PSMA2: variants seen among roughly 807,000 people sequenced by gnomAD.
PSMA2 encodes proteasome 20S subunit alpha 2, also known as proteasome subunit alpha type-2.
PSMA2 carries 2 observed loss-of-function variants against 35.9 expected under a neutral mutation model. The observed-to-expected ratio is 0.06, with a 90% confidence interval of 0.02 to 0.18. The LOEUF is 0.18. PSMA2 is among the 10% of genes least tolerant of loss of function. The probability of loss-of-function intolerance (pLI) is 1.00; values close to 1 mark genes in which losing one functional copy is unlikely to be tolerated. For synonymous variants in PSMA2, 97 were observed against 98.2 expected (o/e 0.99, Z 0.07); for missense variants, 126 against 278.8 (o/e 0.45, Z 3.90).
intron 1 of PSMA2, among the ~76,000 whole-genome samples, chr7:42,928,413 A>G (rs1786246655): frequency 1.3e-5 from 2 of 152,236 alleles, no homozygotes; most frequent in African/African-American, 4.8e-5. Context: ...AGACCTAGAT[A>G]TCACTCACAA....
chr7:42,922,079 T>C (rs773070739), intron 5 of PSMA2, 148 bp from the exon 6 acceptor site: 23 of 661,014 alleles, frequency 3.5e-5, no homozygotes, highest in Non-Finnish European at 5.7e-5. Context: ...ACAGAATAGG[T>C]TATTTTTTAA....
intron 3 of PSMA2, 33 bp from the exon 4 acceptor site, chr7:42,924,830 G>T (rs1270180699): frequency 6.3e-7 from 1 of 1,585,556 alleles, no homozygotes; most frequent in East Asian, 2.3e-5. Flanking sequence ...TAATTACACA[G>T]AACATGCTCT....
At chr7:42,922,941 G>C (rs1302559222) in intron 5 of PSMA2, among the ~76,000 whole-genome samples, 1 of 152,112 alleles carries the variant, frequency 6.6e-6, no homozygotes, top group Admixed American at 6.6e-5. Context: ...TAATGTTTTT[G>C]CTGGAAAACT....
intron 1 of PSMA2, among the ~76,000 whole-genome samples, chr7:42,928,438 T>C (rs1232174274): frequency 6.6e-6 from 1 of 152,232 alleles, no homozygotes; most frequent in Non-Finnish European, 1.5e-5. Flanking sequence ...GTATTCTCTA[T>C]ATAATATACA....
At position 42,917,357 on chromosome 7, in the gene PSMA2, A is replaced by T. The variant is rs2128673134; in HGVS notation, c.*217T>A. ...ATGTAGTCTTCAGAAATCAACTGTG[A>T]TAAAAAGCAGGAAATAACTGTTAAA... On this transcript the variant is annotated 3_prime_UTR_variant, in exon 8 of 8. Coordinates refer to ENST00000223321, the MANE Select transcript of PSMA2 (RefSeq NM_002787.5). 6.9e-6 allele frequency: 3 copies of T among 431,778 alleles called. No homozygotes were observed. Among genetic ancestry groups the T allele is most frequent in the Non-Finnish European group, 1.2e-5 (3 of 241,284 alleles). The allele number at this position is 431,778 out of a possible 1,614,324, so 26.7% of individuals were successfully genotyped here. A position where few individuals can be genotyped will look rare whatever the true frequency, so the allele number is the denominator to read the frequency against.
intron 1 of PSMA2, among the ~76,000 whole-genome samples, chr7:42,929,558 T>C (rs1313853447): frequency 6.6e-6 from 1 of 152,168 alleles, no homozygotes; most frequent in Non-Finnish European, 1.5e-5. Context: ...CACTATCCCA[T>C]TCCATAGCAT....
intron 6 of PSMA2, 31 bp from the exon 7 acceptor site, chr7:42,917,866 ATT>A (rs71008875): frequency 0.85 from 1,241,589 of 1,452,932 alleles, 535,417 homozygotes; most frequent in South Asian, 0.91. Context: ...TACTTATATC[ATT>A]GTTTATATTC....
At chr7:42,921,067 A>G (rs1050959741) in intron 6 of PSMA2, 1 of 152,200 alleles carries the variant, frequency 6.6e-6, no homozygotes, top group Non-Finnish European at 1.5e-5. Context: ...GACAGGAGGA[A>G]TAAGTTCTGG....
At chr7:42,929,948 G>A (rs1252602427) in intron 1 of PSMA2, among the ~76,000 whole-genome samples, 1 of 152,082 alleles carries the variant, frequency 6.6e-6, no homozygotes, top group Non-Finnish European at 1.5e-5. Flanking sequence ...CCAAGCACAA[G>A]CCTTTCCTGA....
chr7:42,930,225 G>GCGCA (rs1168111680), intron 1 of PSMA2, among the ~76,000 whole-genome samples: 2 of 150,266 alleles, frequency 1.3e-5, no homozygotes, highest in African/African-American at 4.9e-5. Flanking sequence ...ACACACACAC[G>GCGCA]CACACACACA....
rs370265156 is a variant in PSMA2 at position 42,926,679 on chromosome 7, A to AAG, written c.119-13_119-12dup. Reference sequence around the variant, plus strand: ...CCACACCATTTGCAGCTTAAAAAAAAAGAGAGAGACATAAATGTTTAATCA... The same window carrying AAG: ...CCACACCATTTGCAGCTTAAAAAAAAAGAGAGAGAGACATAAATGTTTAATCA... On this transcript the variant is annotated splice_polypyrimidine_tract_variant and intron_variant, in intron 2 of 7. Coordinates refer to ENST00000223321, the MANE Select transcript of PSMA2 (RefSeq NM_002787.5). 6.3e-7 allele frequency: 1 copy of AAG among 1,588,546 alleles called. No individual in the cohort carries two copies. The highest frequency in any genetic ancestry group is 1.2e-5 in the South Asian group (1 of 85,978).
At chr7:42,926,422 C>T (rs950011699) in intron 3 of PSMA2, 114 bp downstream of exon 3, 1 of 1,295,704 alleles carries the variant, frequency 7.7e-7, no homozygotes, top group Non-Finnish European at 1.0e-6. Context: ...ACAAAGCACA[C>T]AAAAAAAGAG....
chr7:42,931,104 T>C (rs1168163234), intron 1 of PSMA2: 1 of 443,670 alleles, frequency 2.3e-6, no homozygotes, highest in East Asian at 7.4e-5. Flanking sequence ...ACCGATGACC[T>C]TAGACAAGTT....
intron 1 of PSMA2, among the ~76,000 whole-genome samples, chr7:42,928,461 A>C (rs548175728): frequency 1.3e-5 from 2 of 152,326 alleles, no homozygotes; most frequent in East Asian, 3.9e-4. Context: ...TATTTCTAGA[A>C]GTCATGAGAT....
chr7:42,931,983 A>C, intron 1 of PSMA2, 135 bp downstream of exon 1: 1 of 1,211,988 alleles, frequency 8.3e-7, no homozygotes, highest in South Asian at 1.2e-5. Flanking sequence ...ATGACTTTGC[A>C]AAGCCGCATT....
At chr7:42,925,175 C>T (rs1333108046) in intron 3 of PSMA2, among the ~76,000 whole-genome samples, 1 of 152,224 alleles carries the variant, frequency 6.6e-6, no homozygotes. Flanking sequence ...ATTTTTCTCA[C>T]TTCAGGTCAC....
chr7:42,929,230 T>C (rs1434696117), intron 1 of PSMA2, among the ~76,000 whole-genome samples: 1 of 152,218 alleles, frequency 6.6e-6, no homozygotes, highest in Non-Finnish European at 1.5e-5. Context: ...TTTAAGGCTC[T>C]TGATATAATT....
At chr7:42,917,922 TAAA>T in intron 6 of PSMA2, 87 bp from the exon 7 acceptor site, 1 of 909,858 alleles carries the variant, frequency 1.1e-6, no homozygotes, top group Non-Finnish European at 1.7e-6. Flanking sequence ...CGTAAGTTTT[TAAA>T]ACTCTAAACA....
chr7:42,921,048 A>G (rs760343806), intron 6 of PSMA2: 1 of 152,250 alleles, frequency 6.6e-6, no homozygotes, highest in Non-Finnish European at 1.5e-5. Flanking sequence ...GGGTCTAAAA[A>G]TACGGTCAGA....
Sources: allele counts gnomAD v4.1 joint callset (sites outside exome capture counted in the v4.1 genomes callset), GRCh38; gene constraint gnomAD v4.1.1; transcripts MANE v1.5; gene names NCBI Gene and HGNC (gene_info 2026-07-23, HGNC 2026-07-21).